Variants in NLGN1 observed in about 807,000 individuals in gnomAD.
NLGN1 encodes the protein neuroligin 1.
NLGN1 carries 12 observed loss-of-function variants against 65.5 expected under a neutral mutation model. The ratio of observed to expected loss-of-function variants is 0.18; its 90% CI spans 0.12 to 0.30. The LOEUF is 0.30. Among genes scored for constraint, NLGN1 ranks in the 10% least tolerant of loss-of-function variants. The pLI, the probability that NLGN1 is intolerant of heterozygous loss-of-function variation, is 1.00. For missense variants in NLGN1, 750 were observed against 1,007.1 expected (o/e 0.74, Z 3.46); for synonymous variants, 350 against 359.5 (o/e 0.97, Z 0.30).
intron 3 of NLGN1, among the ~76,000 whole-genome samples, chr3:173,679,873 CT>C (rs1418638714): frequency 3.3e-5 from 5 of 152,152 alleles, no homozygotes; most frequent in Admixed American, 1.3e-4. Context: ...TGGAAACCCC[CT>C]CTATGTCCTA....
intron 4 of NLGN1, among the ~76,000 whole-genome samples, chr3:174,153,258 T>TG (rs1453845917): frequency 6.6e-6 from 1 of 152,156 alleles, no homozygotes; most frequent in South Asian, 2.1e-4. Context: ...TTGTGACAGT[T>TG]GCATTCATTG....
intron 3 of NLGN1, among the ~76,000 whole-genome samples, chr3:173,677,518 T>C (rs1412999499): frequency 6.6e-6 from 1 of 152,040 alleles, no homozygotes; most frequent in Non-Finnish European, 1.5e-5. Flanking sequence ...TTTAATTCCT[T>C]AATAATAATC....
intron 4 of NLGN1, among the ~76,000 whole-genome samples, chr3:173,832,094 C>A (rs1342940673): frequency 6.7e-6 from 1 of 150,252 alleles, no homozygotes; most frequent in Non-Finnish European, 1.5e-5. Context: ...AGTAGCTGGG[C>A]CACAGTTGCT....
chr3:174,167,038 C>T (rs1727625686), intron 4 of NLGN1, among the ~76,000 whole-genome samples: 2 of 152,038 alleles, frequency 1.3e-5, no homozygotes, highest in South Asian at 2.1e-4. Context: ...ACATAATAAA[C>T]ATTTCTCCAA....
At chr3:173,807,365 G>C (rs1288990939) in intron 3 of NLGN1, among the ~76,000 whole-genome samples, 1 of 152,014 alleles carries the variant, frequency 6.6e-6, no homozygotes, top group Non-Finnish European at 1.5e-5. Flanking sequence ...TTGCCATTCT[G>C]TTTCTTTTGC....
intron 2 of NLGN1, among the ~76,000 whole-genome samples, chr3:173,496,113 T>C (rs1311106499): frequency 1.3e-5 from 2 of 151,816 alleles, no homozygotes; most frequent in Admixed American, 6.6e-5. Context: ...CTCCCTGCCT[T>C]CTTTTATGTT....
intron 4 of NLGN1, among the ~76,000 whole-genome samples, chr3:174,010,527 A>T (rs796178431): frequency 6.6e-6 from 1 of 152,192 alleles, no homozygotes; most frequent in Non-Finnish European, 1.5e-5. Flanking sequence ...TAAGGCATCT[A>T]TGCTTAATAT....
intron 2 of NLGN1, among the ~76,000 whole-genome samples, chr3:173,538,366 C>T (rs1256453008): frequency 6.6e-6 from 1 of 152,196 alleles, no homozygotes; most frequent in Non-Finnish European, 1.5e-5. Context: ...CATGGGCTCA[C>T]TGCTGCACTT....
chr3:174,277,990 G>A (rs1348693004), intron 5 of NLGN1, among the ~76,000 whole-genome samples: 1 of 151,868 alleles, frequency 6.6e-6, no homozygotes, highest in African/African-American at 2.4e-5. Context: ...ACCTTAATGA[G>A]AAGATAAAGT....
At chr3:174,220,549 AAAT>A (rs1344660666) in intron 4 of NLGN1, among the ~76,000 whole-genome samples, 5 of 152,186 alleles carry the variant, frequency 3.3e-5, no homozygotes, top group Admixed American at 3.3e-4. Flanking sequence ...ATTATTTCAA[AAAT>A]AATAATGAAT....
At chr3:173,977,828 T>G (rs777240728) in intron 4 of NLGN1, among the ~76,000 whole-genome samples, 1 of 152,066 alleles carries the variant, frequency 6.6e-6, no homozygotes, top group African/African-American at 2.4e-5. Flanking sequence ...TATAACTGTA[T>G]GACTCAGTTG....
At chr3:174,241,214 CTG>C (rs1311330133) in intron 4 of NLGN1, among the ~76,000 whole-genome samples, 1 of 152,096 alleles carries the variant, frequency 6.6e-6, no homozygotes, top group African/African-American at 2.4e-5. Flanking sequence ...TTATAACTCT[CTG>C]TAACTTTTTA....
intron 4 of NLGN1, among the ~76,000 whole-genome samples, chr3:174,181,171 A>G (rs1303770612): frequency 6.6e-6 from 1 of 152,140 alleles, no homozygotes; most frequent in Non-Finnish European, 1.5e-5. Flanking sequence ...CTGGCCCTGC[A>G]TACTGCTGTC....
intron 3 of NLGN1, among the ~76,000 whole-genome samples, chr3:173,646,137 A>C (rs2149611877): frequency 6.6e-6 from 1 of 152,286 alleles, no homozygotes; most frequent in East Asian, 1.9e-4. Flanking sequence ...TCAGACACTT[A>C]GGTAGAAATT....
intron 4 of NLGN1, among the ~76,000 whole-genome samples, chr3:174,212,345 G>T (rs749901170): frequency 6.6e-6 from 1 of 152,196 alleles, no homozygotes; most frequent in Non-Finnish European, 1.5e-5. Context: ...GTTCCCGCCC[G>T]CGCCTCTCCC....
intron 3 of NLGN1, among the ~76,000 whole-genome samples, chr3:173,767,462 G>A (rs1778936321): frequency 6.6e-6 from 1 of 151,800 alleles, no homozygotes; most frequent in African/African-American, 2.4e-5. Context: ...TATTTATAAG[G>A]GGAATAGGCA....
At chr3:174,150,411 A>T (rs889043616) in intron 4 of NLGN1, among the ~76,000 whole-genome samples, 1 of 152,182 alleles carries the variant, frequency 6.6e-6, no homozygotes, top group African/African-American at 2.4e-5. Flanking sequence ...TCTCTTGTGC[A>T]CTGTAGGATG....
intron 4 of NLGN1, among the ~76,000 whole-genome samples, chr3:174,230,841 CCT>C (rs1238000495): frequency 1.3e-5 from 2 of 152,056 alleles, no homozygotes; most frequent in African/African-American, 4.8e-5. Context: ...AAACTATTAT[CCT>C]CTCATTACAT....
intron 3 of NLGN1, among the ~76,000 whole-genome samples, chr3:173,728,886 A>T (rs1394223029): frequency 6.6e-6 from 1 of 152,056 alleles, no homozygotes; most frequent in Non-Finnish European, 1.5e-5. Flanking sequence ...CTGTGAGAGG[A>T]TAAATTTCTC....
Sources: gnomAD v4.1 joint callset for allele counts (sites outside exome capture counted in the v4.1 genomes callset) on GRCh38, gnomAD v4.1.1 for gene constraint, MANE v1.5 for transcripts, NCBI Gene and HGNC (gene_info 2026-07-23, HGNC 2026-07-21) for gene names.